Variants in KIF26B observed in about 807,000 individuals in gnomAD.
KIF26B encodes kinesin-like protein KIF26B.
Under a neutral mutation model 151.2 loss-of-function variants are expected in KIF26B, and 63 were observed. The ratio of observed to expected loss-of-function variants is 0.42; its 90% CI spans 0.34 to 0.51. The LOEUF is 0.51. KIF26B is among the 20% of genes least tolerant of loss of function. The probability of loss-of-function intolerance (pLI) is 0.07; values close to 1 mark genes in which losing one functional copy is unlikely to be tolerated. For missense variants in KIF26B, 2,813 were observed against 2,913.6 expected (o/e 0.97, Z 0.79); for synonymous variants, 1,357 against 1,262.1 (o/e 1.08, Z -1.59).
intron 6 of KIF26B, among the ~76,000 whole-genome samples, chr1:245,603,847 T>C (rs1370962576): frequency 6.6e-6 from 1 of 152,142 alleles, no homozygotes; most frequent in African/African-American, 2.4e-5. Context: ...GCACCCAGGC[T>C]GGGGTGGAGA....
chr1:245,319,853 G>C (rs1003545650), intron 2 of KIF26B, among the ~76,000 whole-genome samples: 1 of 152,112 alleles, frequency 6.6e-6, no homozygotes, highest in Admixed American at 6.5e-5. Context: ...GCATTTTGAG[G>C]ATACGATTTC....
intron 5 of KIF26B, among the ~76,000 whole-genome samples, chr1:245,544,692 A>C (rs1006734475): frequency 2.0e-5 from 3 of 152,132 alleles, no homozygotes; most frequent in African/African-American, 7.2e-5. Flanking sequence ...TGGGGTGGAG[A>C]CAAGAGTGTC....
chr1:245,268,967 AAT>A (rs1670799334), intron 2 of KIF26B, among the ~76,000 whole-genome samples: 2 of 152,096 alleles, frequency 1.3e-5, no homozygotes, highest in African/African-American at 4.8e-5. Flanking sequence ...TAGTGGGTTG[AAT>A]AGGGACCCAC....
intron 4 of KIF26B, among the ~76,000 whole-genome samples, chr1:245,527,695 G>A (rs1440968366): frequency 2.0e-5 from 3 of 151,236 alleles, no homozygotes; most frequent in African/African-American, 4.9e-5. Flanking sequence ...AACCACGCCC[G>A]GCTAATTTTT....
intron 5 of KIF26B, among the ~76,000 whole-genome samples, chr1:245,573,861 A>G (rs1352526289): frequency 6.6e-6 from 1 of 152,144 alleles, no homozygotes; most frequent in Non-Finnish European, 1.5e-5. Context: ...TGTAGACAGC[A>G]GGAGGTGCTG....
At chr1:245,255,830 G>T (rs1558363890) in intron 2 of KIF26B, among the ~76,000 whole-genome samples, 1 of 152,166 alleles carries the variant, frequency 6.6e-6, no homozygotes, top group African/African-American at 2.4e-5. Flanking sequence ...TACCACTAAT[G>T]TATTCTTATT....
rs2044849184 is a variant in KIF26B, at chr1:245,706,955, T to C, written c.*4349T>C. On this transcript the variant is annotated 3_prime_UTR_variant, in exon 15 of 15. Transcript: ENST00000407071. ...CCTCTTTTTCCACCTCCAGAAAGTA[T>C]CTGTCAACATTGGTGGGTAACAGCT... is the stretch of plus-strand genomic sequence containing the variant. The C allele has an allele frequency of 6.6e-6, 1 of 152,234 alleles. No individual in the cohort carries two copies. Among genetic ancestry groups the C allele is most frequent in the African/African-American group, 2.4e-5 (1 of 41,456 alleles). The allele number at this position is 152,234 out of a possible 1,614,324, so 9.4% of individuals were successfully genotyped here.
At chr1:245,360,370 G>C (rs1369835579) in intron 2 of KIF26B, among the ~76,000 whole-genome samples, 1 of 152,124 alleles carries the variant, frequency 6.6e-6, no homozygotes, top group Non-Finnish European at 1.5e-5. Flanking sequence ...ACAAGTTACT[G>C]TATTAGATAC....
chr1:245,563,306 C>T lies in KIF26B; in HGVS notation c.1350+22356C>T, dbSNP rs1467829624. Among the ~76,000 whole-genome samples the T allele has an allele frequency of 6.6e-6, 1 of 152,174 alleles. No individual in the cohort carries two copies. The highest frequency in any genetic ancestry group is 2.4e-5 in the African/African-American group (1 of 41,446). On this transcript the variant is annotated intron_variant, in intron 5 of 14. Transcript: ENST00000407071. The surrounding 1 kb of genome is among the most constrained non-coding windows in gnomAD (Gnocchi z 4.6). ...ATTCACTAAACAACCCGTTTCCACCCATTTCTCTTGTTCCTTCTTATTGCA... is the reference window on the plus strand; with the variant it reads ...ATTCACTAAACAACCCGTTTCCACCTATTTCTCTTGTTCCTTCTTATTGCA...
intron 2 of KIF26B, among the ~76,000 whole-genome samples, chr1:245,197,427 T>C (rs1669214697): frequency 6.6e-6 from 1 of 152,162 alleles, no homozygotes; most frequent in African/African-American, 2.4e-5. Flanking sequence ...AAAAGCACTT[T>C]GAAGAGGACA....
At position 245,692,575 on chromosome 1, in the gene KIF26B, G is replaced by A. The variant is rs144951504; in HGVS notation, c.5824+3768G>A. Among the ~76,000 whole-genome samples, 424 of 152,072 alleles carry A rather than the reference G, an allele frequency of 2.8e-3. 3 individuals are homozygous for A. The highest frequency in any genetic ancestry group is 9.9e-3 in the African/African-American group (410 of 41,476). ...AGCGAGATTAACTCAAGGAGGGACC[G>A]TCCCAGCAAGCAGAGCAAGACGCTA... On this transcript the variant is annotated intron_variant, in intron 12 of 14. Coordinates refer to ENST00000407071, the MANE Select transcript of KIF26B (RefSeq NM_018012.4).
intron 4 of KIF26B, among the ~76,000 whole-genome samples, chr1:245,487,416 C>T (rs1470430850): frequency 8.5e-5 from 13 of 152,260 alleles, no homozygotes; most frequent in East Asian, 1.9e-4. Context: ...ACAGGGCCTA[C>T]GTGCTGGCCA....
intron 9 of KIF26B, among the ~76,000 whole-genome samples, chr1:245,641,499 C>G (rs2043891347): frequency 6.6e-6 from 1 of 151,896 alleles, no homozygotes; most frequent in Non-Finnish European, 1.5e-5. Flanking sequence ...TCCATAGGTC[C>G]CATAAGCTTT....
At position 245,352,132 on chromosome 1, in the gene KIF26B, C is replaced by A. The variant is rs1475935588; in HGVS notation, c.466-14702C>A. 6.6e-6 allele frequency among the ~76,000 whole-genome samples: 1 copy of A among 151,350 alleles called. No homozygotes were observed. Among genetic ancestry groups the A allele is most frequent in the Non-Finnish European group, 1.5e-5 (1 of 67,948 alleles). On this transcript the variant is annotated intron_variant, in intron 2 of 14. Transcript: ENST00000407071. This position sits in a 1 kb window ranked among gnomAD's most constrained non-coding sequence, Gnocchi z 5.0. ...ATCAGTAGGGAAGGTCCAAGTCCCA[C>A]CCATACTGTGTTTCTCAAATATTCT...
intron 4 of KIF26B, among the ~76,000 whole-genome samples, chr1:245,536,047 G>A (rs1312386919): frequency 1.3e-5 from 2 of 152,130 alleles, no homozygotes; most frequent in African/African-American, 4.8e-5. Flanking sequence ...AACATTATCA[G>A]AATTTAGGTA....
chr1:245,607,794 C>A, intron 7 of KIF26B, 50 bp downstream of exon 7: 1 of 1,392,542 alleles, frequency 7.2e-7, no homozygotes, highest in Non-Finnish European at 1.0e-6. Flanking sequence ...TCCCTGTCAT[C>A]CCATGCATTC....
rs1431243402 is a variant in KIF26B, at chr1:245,239,552, G to T, written c.465+82869G>T. 6.6e-6 allele frequency among the ~76,000 whole-genome samples: 1 copy of T among 152,152 alleles called. No individual in the cohort carries two copies. Among genetic ancestry groups the T allele is most frequent in the African/African-American group, 2.4e-5 (1 of 41,430 alleles). ...AGAGTCTCTCTCTGTCGCCCAGGCT[G>T]GAGTGCAGTGGCGTGATCTCAGCTC... On this transcript the variant is annotated intron_variant, in intron 2 of 14. Coordinates refer to ENST00000407071, the MANE Select transcript of KIF26B (RefSeq NM_018012.4). This position sits in a 1 kb window ranked among gnomAD's most constrained non-coding sequence, Gnocchi z 4.3.
At chr1:245,189,240 T>A (rs958341928) in intron 2 of KIF26B, among the ~76,000 whole-genome samples, 5 of 152,238 alleles carry the variant, frequency 3.3e-5, no homozygotes, top group African/African-American at 9.6e-5. Flanking sequence ...TGTCATTATC[T>A]TGCATTGTTG....
intron 2 of KIF26B, among the ~76,000 whole-genome samples, chr1:245,217,368 T>A (rs1669669477): frequency 6.7e-6 from 1 of 150,232 alleles, no homozygotes; most frequent in Non-Finnish European, 1.5e-5. Flanking sequence ...TGTTAATTTT[T>A]TTTTTTTTTT....
Sources: allele counts gnomAD v4.1 joint callset (sites outside exome capture counted in the v4.1 genomes callset), GRCh38; gene constraint gnomAD v4.1.1; non-coding constraint Gnocchi (gnomAD v3.1); transcripts MANE v1.5; gene names NCBI Gene and HGNC (gene_info 2026-07-23, HGNC 2026-07-21).